The following ZSWIM5 variants were observed in gnomAD, a reference collection of about 807,000 sequenced individuals.
ZSWIM5 encodes zinc finger SWIM-type containing 5, also known as zinc finger SWIM domain-containing protein 5.
A neutral mutation model predicts 119.6 loss-of-function variants in ZSWIM5; 55 were observed. The ratio of observed to expected loss-of-function variants is 0.46; its 90% CI spans 0.37 to 0.58. The LOEUF (loss-of-function observed/expected upper bound fraction) is 0.58, where lower values mean the gene tolerates loss of function less well. ZSWIM5 is among the 20% of genes least tolerant of loss of function. The pLI is 0.00. For synonymous variants in ZSWIM5, 537 were observed against 606.9 expected, an observed-to-expected ratio of 0.88 and a Z score of 1.69; for missense variants, 1,193 against 1,512.8, an observed-to-expected ratio of 0.79 and a Z score of 3.51.
intron 1 of ZSWIM5, among the ~76,000 whole-genome samples, chr1:45,200,271 A>C (rs901663451): frequency 6.6e-6 from 1 of 152,210 alleles, no homozygotes; most frequent in African/African-American, 2.4e-5. Flanking sequence ...TTTAGCGTAT[A>C]ATCACATAAT....
chr1:45,147,886 T>C (rs1645772154), intron 1 of ZSWIM5, among the ~76,000 whole-genome samples: 1 of 151,160 alleles, frequency 6.6e-6, no homozygotes, highest in Non-Finnish European at 1.5e-5. Flanking sequence ...AAGAGGAAAA[T>C]TGCAATAAAA....
At chr1:45,113,195 A>G (rs1296862055) in intron 1 of ZSWIM5, among the ~76,000 whole-genome samples, 2 of 152,316 alleles carry the variant, frequency 1.3e-5, no homozygotes, top group African/African-American at 2.4e-5. Flanking sequence ...CACCTCTATC[A>G]CCAGCACTGT....
intron 1 of ZSWIM5, among the ~76,000 whole-genome samples, chr1:45,090,801 G>A (rs756531692): frequency 1.3e-5 from 2 of 151,422 alleles, no homozygotes; most frequent in Non-Finnish European, 2.9e-5. Flanking sequence ...TCTAGCCTGG[G>A]ACACGGGGTG....
At chr1:45,190,927 ATTTTTTTTTTTTTTTTTTTT>A (rs746764436) in intron 1 of ZSWIM5, among the ~76,000 whole-genome samples, 5 of 49,006 alleles carry the variant, frequency 1.0e-4, no homozygotes, top group Admixed American at 2.9e-4. Context: ...AATAGCTGGA[ATTTTTTTTTTTTTTTTTTTT>A]TTTTTTTTTT....
chr1:45,131,831 A>C (rs1645659028), intron 1 of ZSWIM5, among the ~76,000 whole-genome samples: 1 of 151,432 alleles, frequency 6.6e-6, no homozygotes, highest in Admixed American at 6.6e-5. Flanking sequence ...GACCAAACTG[A>C]AGTATAGAGC....
intron 1 of ZSWIM5, among the ~76,000 whole-genome samples, chr1:45,199,294 C>CTT (rs557544245): frequency 9.3e-5 from 13 of 139,962 alleles, no homozygotes; most frequent in East Asian, 2.1e-4. Context: ...CTTCAATAGT[C>CTT]TTTTTTTTTT....
At chr1:45,115,380 A>ACTGGGCGGCTG (rs1645547653) in intron 1 of ZSWIM5, among the ~76,000 whole-genome samples, 2 of 147,576 alleles carry the variant, frequency 1.4e-5, no homozygotes, top group Admixed American at 6.7e-5. Context: ...CACTTCCCAG[A>ACTGGGCGGCTG]CTGGGCGGCT....
intron 11 of ZSWIM5, 60 bp downstream of exon 11, chr1:45,034,252 C>T (rs1441661124): frequency 6.6e-7 from 1 of 1,510,928 alleles, no homozygotes; most frequent in East Asian, 2.3e-5. Context: ...AAGCCTTTGA[C>T]ATGCCATGGT....
chr1:45,199,906 A>G (rs1253804333), intron 1 of ZSWIM5, among the ~76,000 whole-genome samples: 2 of 152,242 alleles, frequency 1.3e-5, no homozygotes, highest in Non-Finnish European at 2.9e-5. Flanking sequence ...TGAGCCTTAC[A>G]CGTAATAAGT....
intron 2 of ZSWIM5, among the ~76,000 whole-genome samples, chr1:45,086,051 T>C (rs1246785505): frequency 6.6e-6 from 1 of 152,234 alleles, no homozygotes; most frequent in Non-Finnish European, 1.5e-5. Flanking sequence ...CTCATGGTTC[T>C]GCAGGCTGTA....
chr1:45,205,722 C>T, intron 1 of ZSWIM5, 34 bp downstream of exon 1: 1 of 1,512,626 alleles, frequency 6.6e-7, no homozygotes. Context: ...GAAGAGGAGG[C>T]TGAGGACCCG....
rs1646109601 is a variant in ZSWIM5 at position 45,194,327 on chromosome 1, A to G, written c.595+11429T>C. On this transcript the variant is annotated intron_variant, in intron 1 of 13. Transcript: ENST00000359600. ...AAAGATAATGGAAGCACAAAAAGCT[A>G]TTTTCCTGATTAGTTCCATTGTATG... Among the ~76,000 whole-genome samples the G allele has an allele frequency of 3.3e-5, 5 of 152,282 alleles. No homozygotes were observed. In the South Asian group the frequency reaches 1.0e-3, roughly 32 times the overall value.
intron 1 of ZSWIM5, among the ~76,000 whole-genome samples, chr1:45,141,767 T>G (rs1173107793): frequency 3.9e-5 from 6 of 152,096 alleles, no homozygotes; most frequent in African/African-American, 1.4e-4. Context: ...AAAGTAGACC[T>G]TGAACACGCA....
At chr1:45,068,107 CTTTTTT>C (rs71040545) in intron 2 of ZSWIM5, among the ~76,000 whole-genome samples, 1 of 113,288 alleles carries the variant, frequency 8.8e-6, no homozygotes, top group Admixed American at 1.1e-4. Flanking sequence ...TTTTTTTTTT[CTTTTTT>C]TTTTTTTGAG....
At chr1:45,146,848 G>A (rs576839877) in intron 1 of ZSWIM5, among the ~76,000 whole-genome samples, 8 of 152,090 alleles carry the variant, frequency 5.3e-5, no homozygotes, top group Non-Finnish European at 1.0e-4. Flanking sequence ...GTAACTCCCT[G>A]ATTACCCAGT....
intron 5 of ZSWIM5, among the ~76,000 whole-genome samples, chr1:45,048,296 T>C (rs1645069663): frequency 6.6e-6 from 1 of 152,026 alleles, no homozygotes; most frequent in Non-Finnish European, 1.5e-5. Context: ...AGCCTTGGTC[T>C]CCCAAAGTAC....
At chr1:45,048,384 G>A (rs1436935142) in intron 5 of ZSWIM5, among the ~76,000 whole-genome samples, 1 of 152,054 alleles carries the variant, frequency 6.6e-6, no homozygotes, top group Non-Finnish European at 1.5e-5. Context: ...AGTGTACCAA[G>A]TAATTAGAGC....
chr1:45,101,369 G>C (rs1359232792), intron 1 of ZSWIM5, among the ~76,000 whole-genome samples: 1 of 152,100 alleles, frequency 6.6e-6, no homozygotes, highest in African/African-American at 2.4e-5. Context: ...TTAGAATGGT[G>C]ATCATTAAAA....
chr1:45,173,862 C>T (rs1474125773), intron 1 of ZSWIM5, among the ~76,000 whole-genome samples: 1 of 151,924 alleles, frequency 6.6e-6, no homozygotes, highest in East Asian at 1.9e-4. Flanking sequence ...TTTATATAAC[C>T]AATAAAGACA....
Sources: allele counts gnomAD v4.1 joint callset (sites outside exome capture counted in the v4.1 genomes callset), GRCh38; gene constraint gnomAD v4.1.1; transcripts MANE v1.5; gene names NCBI Gene and HGNC (gene_info 2026-07-23, HGNC 2026-07-21).